The following CAMKMT variants were observed in gnomAD, a reference collection of about 807,000 sequenced individuals.
The protein encoded by CAMKMT is CaM KMT.
Under a neutral mutation model 48.0 loss-of-function variants are expected in CAMKMT, and 53 were observed. The ratio of observed to expected loss-of-function variants is 1.10; its 90% CI spans 0.89 to 1.39. CAMKMT has a LOEUF of 1.39. CAMKMT is among the 40% of genes most tolerant of loss of function. The pLI, the probability that CAMKMT is intolerant of heterozygous loss-of-function variation, is 0.00. For missense variants in CAMKMT, 428 were observed against 402.7 expected, an observed-to-expected ratio of 1.06 and a Z score of -0.54; for synonymous variants, 165 against 152.3, an observed-to-expected ratio of 1.08 and a Z score of -0.61.
intron 3 of CAMKMT, among the ~76,000 whole-genome samples, chr2:44,536,156 T>A (rs1373243405): frequency 6.6e-6 from 1 of 151,958 alleles, no homozygotes; most frequent in African/African-American, 2.4e-5. Flanking sequence ...ACAAAGGAAG[T>A]GAAAGACCTG....
chr2:44,433,021 G>A lies in CAMKMT; in HGVS notation c.376+42716G>A, dbSNP rs554521084. 3.2e-4 allele frequency among the ~76,000 whole-genome samples: 49 copies of A among 152,186 alleles called. 1 individual carries two copies. In the South Asian group the frequency reaches 8.1e-3, roughly 25 times the overall value. On this transcript the variant is annotated intron_variant, in intron 3 of 10. Transcript: ENST00000378494. ...CATAGTAATCATTAAACTCAGAAAC[G>A]TATTTCCTTATATTCTCTCTCAAAT...
chr2:44,520,764 G>C (rs1358063563), intron 3 of CAMKMT, among the ~76,000 whole-genome samples: 1 of 152,160 alleles, frequency 6.6e-6, no homozygotes, highest in Non-Finnish European at 1.5e-5. Context: ...TCAAGGTAGG[G>C]ACAGGTGGAG....
intron 3 of CAMKMT, among the ~76,000 whole-genome samples, chr2:44,453,302 T>G (rs1572906675): frequency 6.6e-6 from 1 of 152,078 alleles, no homozygotes; most frequent in Admixed American, 6.6e-5. Context: ...TTTGTACTAG[T>G]GAGTCATAAA....
intron 3 of CAMKMT, among the ~76,000 whole-genome samples, chr2:44,574,909 T>G (rs1282423975): frequency 1.3e-5 from 2 of 149,452 alleles, no homozygotes; most frequent in African/African-American, 4.9e-5. Flanking sequence ...CCCAGCTAAC[T>G]GGCTATTTTT....
chr2:44,468,252 T>A (rs1302612241), intron 3 of CAMKMT, among the ~76,000 whole-genome samples: 1 of 152,186 alleles, frequency 6.6e-6, no homozygotes, highest in Non-Finnish European at 1.5e-5. Flanking sequence ...GAAACAATGT[T>A]CCACATCACT....
At chr2:44,562,601 C>T (rs528779913) in intron 3 of CAMKMT, among the ~76,000 whole-genome samples, 217 of 152,208 alleles carry the variant, frequency 1.4e-3, no homozygotes, top group African/African-American at 5.1e-3. Context: ...CACTCTGTCA[C>T]CTAGGCTGGA....
At chr2:44,558,835 T>C (rs1253496494) in intron 3 of CAMKMT, among the ~76,000 whole-genome samples, 6 of 152,176 alleles carry the variant, frequency 3.9e-5, no homozygotes, top group Non-Finnish European at 8.8e-5. Context: ...GGGTATTATG[T>C]TCACTACCTT....
At chr2:44,560,097 A>G (rs898640629) in intron 3 of CAMKMT, among the ~76,000 whole-genome samples, 1 of 152,124 alleles carries the variant, frequency 6.6e-6, no homozygotes, top group Non-Finnish European at 1.5e-5. Context: ...TCGCTTTTCA[A>G]GTTGTCAGTA....
At chr2:44,768,356 TA>T (rs1406813525) in intron 10 of CAMKMT, among the ~76,000 whole-genome samples, 20 of 96,586 alleles carry the variant, frequency 2.1e-4, no homozygotes, top group African/African-American at 8.2e-4. Context: ...TATATATATA[TA>T]TATATTTTTT....
intron 3 of CAMKMT, chr2:44,400,890 G>GT (rs1682302571): frequency 6.8e-6 from 1 of 147,474 alleles, no homozygotes. Flanking sequence ...ATATTTGTGA[G>GT]TACATGTATG....
chr2:44,687,867 T>G (rs181435870), intron 3 of CAMKMT, among the ~76,000 whole-genome samples: 13 of 152,258 alleles, frequency 8.5e-5, no homozygotes, highest in Admixed American at 2.6e-4. Context: ...ATTAACCGAG[T>G]GTTCATTTCT....
At chr2:44,441,432 A>T (rs564102455) in intron 3 of CAMKMT, among the ~76,000 whole-genome samples, 1 of 152,236 alleles carries the variant, frequency 6.6e-6, no homozygotes, top group South Asian at 2.1e-4. Flanking sequence ...CAAATAGAGG[A>T]GTCTTTAGAA....
chr2:44,712,796 G>C (rs1027340664), intron 6 of CAMKMT, among the ~76,000 whole-genome samples: 1 of 152,080 alleles, frequency 6.6e-6, no homozygotes, highest in African/African-American at 2.4e-5. Context: ...CAATGTGATT[G>C]GATTTCCTTT....
chr2:44,425,767 G>A (rs554516888), intron 3 of CAMKMT, among the ~76,000 whole-genome samples: 20 of 145,266 alleles, frequency 1.4e-4, no homozygotes, highest in Non-Finnish European at 3.0e-4. Flanking sequence ...TTTCACTCTT[G>A]TTGCCCAGGC....
In CAMKMT at chr2:44,533,101, A is replaced by G. The variant is rs145706399; in HGVS notation, c.376+142796A>G. Among the ~76,000 whole-genome samples, 183 of 152,242 alleles carry G rather than the reference A, an allele frequency of 1.2e-3. 2 individuals carry two copies. The highest frequency in any genetic ancestry group is 4.1e-3 in the African/African-American group (170 of 41,534). Reference sequence around the variant, plus strand: ...AGTGCTGGGATTACAGGCATGAGCCACCGCTCCTGACCTAAAGATTTTTAA... The same window carrying G: ...AGTGCTGGGATTACAGGCATGAGCCGCCGCTCCTGACCTAAAGATTTTTAA... On this transcript the variant is annotated intron_variant, in intron 3 of 10. Transcript: ENST00000378494.
chr2:44,563,720 G>A (rs1014213256), intron 3 of CAMKMT, among the ~76,000 whole-genome samples: 17 of 152,024 alleles, frequency 1.1e-4, no homozygotes, highest in East Asian at 1.9e-4. Context: ...GAGAACATGC[G>A]GTGTTTGGTT....
chr2:44,395,895 C>T (rs947398255), intron 3 of CAMKMT, among the ~76,000 whole-genome samples: 3 of 151,928 alleles, frequency 2.0e-5, no homozygotes, highest in African/African-American at 4.8e-5. Context: ...TAAAGCTACA[C>T]AATTAAAATA....
chr2:44,595,108 T>C (rs927449877), intron 3 of CAMKMT, among the ~76,000 whole-genome samples: 5 of 152,112 alleles, frequency 3.3e-5, no homozygotes, highest in Non-Finnish European at 7.4e-5. Flanking sequence ...TGAGATACCA[T>C]CTCATGCCAG....
intron 2 of CAMKMT, among the ~76,000 whole-genome samples, chr2:44,377,749 G>T (rs987566683): frequency 1.3e-5 from 2 of 152,064 alleles, no homozygotes; most frequent in African/African-American, 4.8e-5. Flanking sequence ...TGGGAACTTA[G>T]AATGGGCAAA....
Sources: gnomAD v4.1 joint callset for allele counts (sites outside exome capture counted in the v4.1 genomes callset) on GRCh38, gnomAD v4.1.1 for gene constraint, MANE v1.5 for transcripts, NCBI Gene and HGNC (gene_info 2026-07-23, HGNC 2026-07-21) for gene names.